Variants in LAMB2 observed in about 807,000 individuals in gnomAD.
LAMB2 encodes the protein laminin subunit beta-2.
In LAMB2, 119 loss-of-function variants were observed where a neutral mutation model predicts 202.7. The observed-to-expected ratio is 0.59, with a 90% confidence interval of 0.51 to 0.68. The LOEUF (loss-of-function observed/expected upper bound fraction) is 0.68. Ranked by LOEUF, LAMB2 falls within the 30% of genes least tolerant of loss-of-function variation. The pLI, the probability that LAMB2 is intolerant of heterozygous loss-of-function variation, is 0.00. For synonymous variants in LAMB2, 818 were observed against 902.2 expected (o/e 0.91, Z 1.67); for missense variants, 2,124 against 2,410.6 (o/e 0.88, Z 2.49).
chr3:49,130,894 C>T lies in LAMB2; in HGVS notation c.916-34G>A. On this transcript the variant is annotated intron_variant, in intron 7 of 31. Coordinates refer to ENST00000305544, the MANE Select transcript of LAMB2 (RefSeq NM_002292.4). This position sits in a 1 kb window ranked among gnomAD's most constrained non-coding sequence, Gnocchi z 5.0. ...GTTGGCAGGTAGGTTGTCAGCACTG[C>T]TCAGCCATGTCCGCCCCTGCCCCTA... 6.2e-7 allele frequency: 1 copy of T among 1,614,174 alleles called. No homozygotes were observed. Among genetic ancestry groups the T allele is most frequent in the South Asian group, 1.1e-5 (1 of 91,090 alleles).
Position 49,132,452 on chromosome 3 carries a change from CCACCCTGACTCGGCGTCA to C in LAMB2, c.249+21_249+38del. The C allele has an allele frequency of 6.2e-7, 1 of 1,614,174 alleles. No individual in the cohort carries two copies. The highest frequency in any genetic ancestry group is 8.5e-7 in the Non-Finnish European group (1 of 1,180,014). On this transcript the variant is annotated intron_variant, in intron 2 of 31. Coordinates refer to ENST00000305544, the MANE Select transcript of LAMB2 (RefSeq NM_002292.4). The surrounding 1 kb of genome is among the most constrained non-coding windows in gnomAD (Gnocchi z 4.6). The stretch of plus-strand genomic sequence containing the variant: ...ATCAGTGCCTCAGGCAGTGCCAGCC[CCACCCTGACTCGGCGTCA>C]CACCCTGTCCCCAGCCACACCTGCA...
At chr3:49,122,490 G>T in intron 27 of LAMB2, 120 bp from the exon 28 acceptor site, 3 of 1,041,926 alleles carry the variant, frequency 2.9e-6, no homozygotes, top group South Asian at 1.3e-5. Context: ...CAGGCATAAG[G>T]ATATAATCAC....
chr3:49,126,169 T>C lies in LAMB2; in HGVS notation c.2152-10A>G. ...GGGGCAGCAGCACCAGCTGAAGGAG[T>C]GAGCAAGGAAGATCGCAGTTCAGAC... On this transcript the variant is annotated splice_polypyrimidine_tract_variant and intron_variant, in intron 16 of 31. Coordinates refer to ENST00000305544, the MANE Select transcript of LAMB2 (RefSeq NM_002292.4). 1 of 1,611,006 alleles carries C rather than the reference T, an allele frequency of 6.2e-7. No homozygotes were observed. Among genetic ancestry groups the C allele is most frequent in the Non-Finnish European group, 8.5e-7 (1 of 1,179,764 alleles).
chr3:49,126,567 A>C, intron 15 of LAMB2, 70 bp from the exon 16 acceptor site: 1 of 1,598,928 alleles, frequency 6.3e-7, no homozygotes, highest in Non-Finnish European at 8.6e-7. Flanking sequence ...GGCCTCCCCC[A>C]TCCTTCTCCC....
chr3:49,127,217 C>T (rs1449191556), intron 15 of LAMB2, among the ~76,000 whole-genome samples: 1 of 152,122 alleles, frequency 6.6e-6, no homozygotes, highest in East Asian at 1.9e-4. Flanking sequence ...AATTCCTGGG[C>T]TCAAGTGATC....
chr3:49,125,948 C>T lies in LAMB2; in HGVS notation c.2344+19G>A, dbSNP rs1355289928. 1.2e-6 allele frequency: 2 copies of T among 1,614,168 alleles called. No homozygotes were observed. Reference sequence around the variant, plus strand: ...GGGTCCCCACCTCTGCCCCATCAACCCACATCACAGACACTCACGCAGGGC... The same window carrying T: ...GGGTCCCCACCTCTGCCCCATCAACTCACATCACAGACACTCACGCAGGGC... On this transcript the variant is annotated intron_variant, in intron 17 of 31. Transcript: ENST00000305544.
rs749631237 is a variant in LAMB2 at position 49,128,738 on chromosome 3, C to T, written c.1813G>A (p.Gly605Ser). 1.5e-5 allele frequency: 24 copies of T among 1,614,162 alleles called. No individual in the cohort carries two copies. The highest frequency in any genetic ancestry group is 2.0e-5 in the Non-Finnish European group (24 of 1,180,034). Residue 605 changes from glycine (G) to serine (S), a missense_variant, in exon 14 of 32, where the codon GGT becomes AGT. Gly to Ser is a moderately conservative substitution (Grantham distance 56). Coordinates refer to ENST00000305544, the MANE Select transcript of LAMB2 (RefSeq NM_002292.4). ...GCCACCAGGAACTCCAGGGTCTGAC[C>T]TTCCTGTAGCCGCACGAAGCCTGAG... The part of the protein sequence containing the change: ...TGSGFVRLQE[G>S]QTLEFLVASV...
At position 49,129,173 on chromosome 3, in the gene LAMB2, A is replaced by T; in HGVS notation, c.1599-21T>A. The T allele has an allele frequency of 6.2e-7, 1 of 1,614,044 alleles. No individual in the cohort carries two copies. Among genetic ancestry groups the T allele is most frequent in the East Asian group, 2.2e-5 (1 of 44,890 alleles). ...CACACCTGGAGGGAACTCTGTGGTT[A>T]CTCAAGAAGAACCTTCTCTTCTGCT... On this transcript the variant is annotated intron_variant, in intron 12 of 31. Coordinates refer to ENST00000305544, the MANE Select transcript of LAMB2 (RefSeq NM_002292.4). This position sits in a 1 kb window ranked among gnomAD's most constrained non-coding sequence, Gnocchi z 6.1.
Position 49,132,443 on chromosome 3 carries a change from G to A in LAMB2, c.250-38C>T. 1 of 1,614,212 alleles carries A rather than the reference G, an allele frequency of 6.2e-7. No homozygotes were observed. The highest frequency in any genetic ancestry group is 8.5e-7 in the Non-Finnish European group (1 of 1,180,034). ...GGGATTAGAATCAGTGCCTCAGGCA[G>A]TGCCAGCCCCACCCTGACTCGGCGT... On this transcript the variant is annotated intron_variant, in intron 2 of 31. Coordinates refer to ENST00000305544, the MANE Select transcript of LAMB2 (RefSeq NM_002292.4). The surrounding 1 kb of genome is among the most constrained non-coding windows in gnomAD (Gnocchi z 4.6).
At chr3:49,127,281 T>A (rs956673250) in intron 15 of LAMB2, among the ~76,000 whole-genome samples, 1 of 152,120 alleles carries the variant, frequency 6.6e-6, no homozygotes, top group Non-Finnish European at 1.5e-5. Flanking sequence ...CCACCATGCC[T>A]GGTCTAGAGG....
intron 26 of LAMB2, 35 bp downstream of exon 26, chr3:49,123,097 A>G (rs373103171): frequency 1.1e-5 from 17 of 1,607,238 alleles, no homozygotes; most frequent in African/African-American, 8.0e-5. Context: ...AGGAACATCT[A>G]CACCCACCTG....
At chr3:49,126,978 C>T (rs2045422813) in intron 15 of LAMB2, among the ~76,000 whole-genome samples, 1 of 151,906 alleles carries the variant, frequency 6.6e-6, no homozygotes, top group Non-Finnish European at 1.5e-5. Context: ...TTTTTATTTT[C>T]TGATTTATTT....
chr3:49,131,996 G>T lies in LAMB2; in HGVS notation c.459+120C>A. ...CTGGAGGCAAATGGAAGGTGTGAAG[G>T]GATGAAGGAGCCTCCTGCATCCATG... is the stretch of plus-strand genomic sequence containing the variant. On this transcript the variant is annotated intron_variant, in intron 4 of 31. Transcript: ENST00000305544. This position sits in a 1 kb window ranked among gnomAD's most constrained non-coding sequence, Gnocchi z 5.0. The T allele has an allele frequency of 9.9e-7, 1 of 1,014,674 alleles. No individual in the cohort carries two copies. The highest frequency in any genetic ancestry group is 1.6e-6 in the Non-Finnish European group (1 of 642,660). 62.9% of individuals were successfully genotyped at this position (1,014,674 alleles called of 1,614,324 possible).
chr3:49,132,968 G>T lies in LAMB2; in HGVS notation c.-101C>A. The stretch of plus-strand genomic sequence containing the variant: ...TGTCAACTCTGCCTGTGGGTCTTTG[G>T]CCTGTTTCCCTCCAGGCCCTCTGTC... On this transcript the variant is annotated 5_prime_UTR_variant, in exon 1 of 32. Coordinates refer to ENST00000305544, the MANE Select transcript of LAMB2 (RefSeq NM_002292.4). The surrounding 1 kb of genome is among the most constrained non-coding windows in gnomAD (Gnocchi z 4.6). 1 of 1,064,758 alleles carries T rather than the reference G, an allele frequency of 9.4e-7. No individual in the cohort carries two copies. The highest frequency in any genetic ancestry group is 1.4e-6 in the Non-Finnish European group (1 of 692,922). 66.0% of individuals were successfully genotyped at this position (1,064,758 alleles called of 1,614,324 possible).
rs75544451 is a variant in LAMB2, at chr3:49,128,202, G to A, written c.2018+256C>T. ...ACCACCACTGTGGACCCTCCTGATA[G>A]TGACACCAGGTGATTTCCCATTAAT... On this transcript the variant is annotated intron_variant, in intron 15 of 31. Transcript: ENST00000305544. Among the ~76,000 whole-genome samples, 498 of 152,254 alleles carry A rather than the reference G, an allele frequency of 3.3e-3. 4 individuals carry two copies. Among genetic ancestry groups the A allele is most frequent in the African/African-American group, 0.011 (475 of 41,550 alleles).
At position 49,124,559 on chromosome 3, in the gene LAMB2, G is replaced by A; in HGVS notation, c.3163C>T (p.Gln1055Ter). Residue 1055 changes from glutamine to a stop codon, truncating the protein, a stop_gained, in exon 22 of 32, where the codon CAG becomes TAG. Transcript: ENST00000305544. LOFTEE classifies it high-confidence loss of function. ...CCACTGCTTGGATCACAGTGGCACTGGTCAGGAGATGGGCACTGCTGCGGA... is the reference window on the plus strand; with the variant it reads ...CCACTGCTTGGATCACAGTGGCACTAGTCAGGAGATGGGCACTGCTGCGGA... Reference protein sequence around the residue: ...TNPQQCPSPDQCHCDPSSGQC... With the variant: ...TNPQQCPSPD The A allele has an allele frequency of 6.2e-7, 1 of 1,613,842 alleles. No homozygotes were observed. Among genetic ancestry groups the A allele is most frequent in the Non-Finnish European group, 8.5e-7 (1 of 1,180,010 alleles).
chr3:49,127,759 A>G (rs370985271), intron 15 of LAMB2, among the ~76,000 whole-genome samples: 40 of 143,802 alleles, frequency 2.8e-4, no homozygotes, highest in Admixed American at 1.3e-3. Context: ...GGTGGCTCAC[A>G]CCTGTAATCC....
Position 49,131,339 on chromosome 3 carries a change from G to A in LAMB2, c.712+40C>T, listed in dbSNP as rs543730039. The A allele has an allele frequency of 4.5e-5, 73 of 1,604,816 alleles. 1 individual carries two copies. The highest frequency in any genetic ancestry group is 4.1e-4 in the South Asian group (37 of 90,824). On this transcript the variant is annotated intron_variant, in intron 6 of 31. Transcript: ENST00000305544. The surrounding 1 kb of genome is among the most constrained non-coding windows in gnomAD (Gnocchi z 5.0). ...CTGAGGCCCCAAATAGTCCCTAGCC[G>A]GACACGGACTGTGCCAGACTCAAAG...
intron 15 of LAMB2, among the ~76,000 whole-genome samples, chr3:49,127,335 A>G (rs1342632131): frequency 1.3e-5 from 2 of 152,140 alleles, no homozygotes; most frequent in African/African-American, 4.8e-5. Flanking sequence ...AAATGTCTAT[A>G]ATGGGCACAG....
Sources: gnomAD v4.1 joint callset for allele counts (sites outside exome capture counted in the v4.1 genomes callset) on GRCh38, gnomAD v4.1.1 for gene constraint, Gnocchi (gnomAD v3.1) non-coding constraint, MANE v1.5 for transcripts, NCBI Gene and HGNC (gene_info 2026-07-23, HGNC 2026-07-21) for gene names.